The following PAX2 variants were observed in gnomAD, a reference collection of about 807,000 sequenced individuals.
PAX2 encodes the protein paired box protein Pax-2.
PAX2 carries 9 observed loss-of-function variants against 41.7 expected under a neutral mutation model. The ratio of observed to expected loss-of-function variants is 0.22; its 90% confidence interval spans 0.13 to 0.38. PAX2 has a LOEUF of 0.38. Among genes scored for constraint, PAX2 ranks in the 10% least tolerant of loss-of-function variants. The pLI is 1.00. For missense variants in PAX2, 418 were observed against 531.6 expected, an observed-to-expected ratio of 0.79 and a Z score of 2.10; for synonymous variants, 221 against 212.7, an observed-to-expected ratio of 1.04 and a Z score of -0.34.
intron 7 of PAX2, among the ~76,000 whole-genome samples, chr10:100,811,410 T>C (rs1284806352): frequency 1.3e-5 from 2 of 152,260 alleles, no homozygotes; most frequent in African/African-American, 2.4e-5. Flanking sequence ...AGGTGAGCCA[T>C]GGGGCATTGC....
At chr10:100,783,887 C>T (rs1846742811) in intron 5 of PAX2, among the ~76,000 whole-genome samples, 1 of 152,124 alleles carries the variant, frequency 6.6e-6, no homozygotes, top group Admixed American at 6.5e-5. Flanking sequence ...TCAGAGGCCT[C>T]ACTCTTTTTT....
intron 5 of PAX2, among the ~76,000 whole-genome samples, chr10:100,806,129 G>GCTGGCTCCTGGGAGCCCC (rs1354473858): frequency 1.3e-5 from 2 of 152,140 alleles, no homozygotes; most frequent in Non-Finnish European, 2.9e-5. Flanking sequence ...GCCCCAGGGA[G>GCTGGCTCCTGGGAGCCCC]CTGGCTCCTG....
At chr10:100,764,762 G>T (rs539212700) in intron 3 of PAX2, among the ~76,000 whole-genome samples, 2 of 151,998 alleles carry the variant, frequency 1.3e-5, no homozygotes, top group Non-Finnish European at 2.9e-5. Flanking sequence ...ATTCAAGGTT[G>T]GCATTTTCTA....
intron 1 of PAX2, 113 bp downstream of exon 1, chr10:100,746,416 T>G: frequency 1.3e-6 from 1 of 795,080 alleles, no homozygotes; most frequent in Non-Finnish European, 2.3e-6. Context: ...GAGGCCTCCC[T>G]GGCTTCTGGT....
At position 100,750,303 on chromosome 10, in the gene PAX2, C is replaced by T. The variant is rs901003657; in HGVS notation, c.212+389C>T. 6.6e-6 allele frequency among the ~76,000 whole-genome samples: 1 copy of T among 152,010 alleles called. No individual in the cohort carries two copies. The highest frequency in any genetic ancestry group is 2.4e-5 in the African/African-American group (1 of 41,372). ...AGCATTTGGGAGGCAGAAGGAGGGTCCTGGTTCCCACAGATGCTCTGTGCC... is the reference window on the plus strand; with the variant it reads ...AGCATTTGGGAGGCAGAAGGAGGGTTCTGGTTCCCACAGATGCTCTGTGCC... On this transcript the variant is annotated intron_variant, in intron 2 of 9. Coordinates refer to ENST00000355243, the MANE Select transcript of PAX2 (RefSeq NM_000278.5). This position sits in a 1 kb window ranked among gnomAD's most constrained non-coding sequence, Gnocchi z 4.1.
chr10:100,797,169 T>C (rs1847368319), intron 5 of PAX2, among the ~76,000 whole-genome samples: 1 of 152,224 alleles, frequency 6.6e-6, no homozygotes, highest in Non-Finnish European at 1.5e-5. Context: ...GTTTATAAAG[T>C]TGAAAACTAT....
Position 100,750,906 on chromosome 10 carries a change from C to A in PAX2, c.410+15C>A, listed in dbSNP as rs367681543. On this transcript the variant is annotated intron_variant, in intron 3 of 9. Coordinates refer to ENST00000355243, the MANE Select transcript of PAX2 (RefSeq NM_000278.5). The surrounding 1 kb of genome is among the most constrained non-coding windows in gnomAD (Gnocchi z 4.1). ...TCCATCAACAGGTGAGCAAGCCACC[C>A]GGGTTTTCAGGGCTGGACTCCAGCT... 5 of 1,608,836 alleles carry A rather than the reference C, an allele frequency of 3.1e-6. No homozygotes were observed. The highest frequency in any genetic ancestry group is 1.3e-5 in the African/African-American group (1 of 74,964).
At chr10:100,778,675 C>T (rs1347708155) in intron 3 of PAX2, among the ~76,000 whole-genome samples, 1 of 152,148 alleles carries the variant, frequency 6.6e-6, no homozygotes, top group Admixed American at 6.5e-5. Context: ...TCATTGAGCC[C>T]TCGGTTTTTC....
chr10:100,798,104 CTTTT>C (rs11314855), intron 5 of PAX2, among the ~76,000 whole-genome samples: 9 of 86,554 alleles, frequency 1.0e-4, no homozygotes, highest in East Asian at 3.8e-4. Flanking sequence ...ATGTCCACCT[CTTTT>C]TTTTTTTTTT....
chr10:100,747,924 C>T (rs961138508), intron 1 of PAX2: 101 of 983,654 alleles, frequency 1.0e-4, no homozygotes, highest in Non-Finnish European at 1.2e-4. Flanking sequence ...TCCTGGCTGC[C>T]CGCGGGCAGC....
rs1355130738 is a variant in PAX2, at chr10:100,828,371, T to G, written c.*752T>G. ...ACTCTCGGCTCTTCACTGCTCCTCC[T>G]GGCCTGCCTAGTTCCCCAGGGCCCG... On this transcript the variant is annotated 3_prime_UTR_variant, in exon 10 of 10. Coordinates refer to ENST00000355243, the MANE Select transcript of PAX2 (RefSeq NM_000278.5). This position sits in a 1 kb window ranked among gnomAD's most constrained non-coding sequence, Gnocchi z 6.5. 4.3e-6 allele frequency: 1 copy of G among 233,232 alleles called. No individual in the cohort carries two copies. The highest frequency in any genetic ancestry group is 6.0e-5 in the East Asian group (1 of 16,548). 14.4% of individuals were successfully genotyped at this position (233,232 alleles called of 1,614,324 possible).
intron 3 of PAX2, among the ~76,000 whole-genome samples, chr10:100,767,528 G>A (rs1846069754): frequency 6.6e-6 from 1 of 152,212 alleles, no homozygotes; most frequent in African/African-American, 2.4e-5. Flanking sequence ...AGCTCACTAA[G>A]CTGGGTGCAG....
intron 3 of PAX2, among the ~76,000 whole-genome samples, chr10:100,764,537 G>A (rs557177436): frequency 1.1e-4 from 16 of 152,280 alleles, no homozygotes; most frequent in Admixed American, 4.6e-4. Context: ...ATGGTCCCTC[G>A]TGAGCCCAGA....
At chr10:100,757,524 G>T (rs1845676455) in intron 3 of PAX2, among the ~76,000 whole-genome samples, 1 of 152,190 alleles carries the variant, frequency 6.6e-6, no homozygotes, top group African/African-American at 2.4e-5. Context: ...TGATACTTGG[G>T]TCCAAGCCCT....
chr10:100,790,130 T>G (rs968301869), intron 5 of PAX2, among the ~76,000 whole-genome samples: 2 of 152,324 alleles, frequency 1.3e-5, no homozygotes, highest in African/African-American at 4.8e-5. Flanking sequence ...CATCTGGTTG[T>G]TTGGGGAAGT....
intron 3 of PAX2, among the ~76,000 whole-genome samples, chr10:100,764,633 G>C (rs1845956311): frequency 6.6e-6 from 1 of 152,108 alleles, no homozygotes; most frequent in South Asian, 2.1e-4. Context: ...AGCAGAATTA[G>C]TCAGATAATT....
chr10:100,737,803 A>G (rs1047609124), intron 1 of PAX2, among the ~76,000 whole-genome samples: 2 of 152,146 alleles, frequency 1.3e-5, no homozygotes, highest in African/African-American at 2.4e-5. Context: ...TAAAATGACA[A>G]TGACAGAGGC....
At chr10:100,742,917 G>GACTC (rs1845022214), upstream of PAX2, among the ~76,000 whole-genome samples, 1 of 137,628 alleles carries the variant, frequency 7.3e-6, no homozygotes, top group Non-Finnish European at 1.5e-5. Context: ...CTACTAGACT[G>GACTC]TATAGAAGAA....
chr10:100,788,665 G>T (rs1019673619), intron 5 of PAX2, among the ~76,000 whole-genome samples: 4 of 152,208 alleles, frequency 2.6e-5, no homozygotes, highest in Non-Finnish European at 5.9e-5. Flanking sequence ...AGGGATCTGA[G>T]TGCTCCCTGC....
Sources: allele counts gnomAD v4.1 joint callset (sites outside exome capture counted in the v4.1 genomes callset), GRCh38; gene constraint gnomAD v4.1.1; non-coding constraint Gnocchi (gnomAD v3.1); transcripts MANE v1.5; gene names NCBI Gene and HGNC (gene_info 2026-07-23, HGNC 2026-07-21).